The following CIMIP4 variants were observed in gnomAD, a reference collection of about 807,000 sequenced individuals.
CIMIP4 encodes ciliary microtubule inner protein 4.
the CIMIP4 span, among the ~76,000 whole-genome samples, chr22:37,006,887 A>G: frequency 2.6e-5 from 4 of 152,154 alleles, no homozygotes; most frequent in African/African-American, 9.7e-5. Context: ...TCTTTTTCAC[A>G]CACTCTCTGC....
chr22:36,999,190 C>T, the CIMIP4 span, among the ~76,000 whole-genome samples: 1 of 151,162 alleles, frequency 6.6e-6, no homozygotes, highest in Non-Finnish European at 1.5e-5. Context: ...GGCGCAGTGA[C>T]TCATGCCTGT....
the CIMIP4 span, among the ~76,000 whole-genome samples, chr22:37,000,475 A>G: frequency 6.6e-6 from 1 of 152,140 alleles, no homozygotes; most frequent in African/African-American, 2.4e-5. Flanking sequence ...GGAAACTGAC[A>G]CACAGAGAAG....
the CIMIP4 span, among the ~76,000 whole-genome samples, chr22:37,000,548 G>A: frequency 6.6e-6 from 1 of 152,180 alleles, no homozygotes; most frequent in African/African-American, 2.4e-5. Context: ...TATATCAGCT[G>A]TTGACTTCAG....
At chr22:37,001,935 TCTGGTC>T in the CIMIP4 span, 2 of 1,613,820 alleles carry the variant, frequency 1.2e-6, no homozygotes, top group Non-Finnish European at 1.7e-6. Context: ...GGCGTGCTCC[TCTGGTC>T]CTGAGCCCCC....
At chr22:37,001,691 AG>A in the CIMIP4 span, 1 of 780,320 alleles carries the variant, frequency 1.3e-6, no homozygotes, top group Admixed American at 3.5e-5. Context: ...AAGTTTAAAC[AG>A]TGCACAGTGT....
the CIMIP4 span, chr22:37,001,803 C>G: frequency 6.7e-7 from 1 of 1,495,158 alleles, no homozygotes; most frequent in South Asian, 1.4e-5. Flanking sequence ...CATTATAAGA[C>G]TCTGCATCAC....
At chr22:37,005,723 T>G in the CIMIP4 span, among the ~76,000 whole-genome samples, 1 of 152,178 alleles carries the variant, frequency 6.6e-6, no homozygotes, top group Non-Finnish European at 1.5e-5. Flanking sequence ...AACTGAATGA[T>G]TTAGCTAAAG....
the CIMIP4 span, chr22:36,991,516 A>G: frequency 6.2e-7 from 1 of 1,614,156 alleles, no homozygotes; most frequent in South Asian, 1.1e-5. Context: ...CCAGTGTTCT[A>G]AGTCCCTCAC....
chr22:36,996,443 A>G, the CIMIP4 span, among the ~76,000 whole-genome samples: 2 of 149,716 alleles, frequency 1.3e-5, no homozygotes, highest in Admixed American at 6.7e-5. Flanking sequence ...AGCAGCAAAA[A>G]AAGAGATTCT....
the CIMIP4 span, chr22:36,999,990 C>G: frequency 2.0e-5 from 32 of 1,604,238 alleles, no homozygotes; most frequent in South Asian, 3.1e-4. Context: ...TGAGCCTGAG[C>G]AGGGAGGCAG....
chr22:36,991,266 G>C, the CIMIP4 span: 2 of 1,613,936 alleles, frequency 1.2e-6, no homozygotes, highest in East Asian at 2.2e-5. Context: ...CATTTTTCTG[G>C]TGCCACCGCC....
the CIMIP4 span, chr22:37,000,046 C>T: frequency 3.9e-6 from 6 of 1,552,942 alleles, no homozygotes; most frequent in Admixed American, 3.8e-5. Flanking sequence ...CCCCATATCT[C>T]CCTCCAACTC....
the CIMIP4 span, among the ~76,000 whole-genome samples, chr22:37,000,709 G>A: frequency 6.6e-6 from 1 of 152,162 alleles, no homozygotes; most frequent in African/African-American, 2.4e-5. Flanking sequence ...CAGAAAACAC[G>A]GATTTCTTGA....
At chr22:37,002,300 G>A in the CIMIP4 span, 1 of 1,403,864 alleles carries the variant, frequency 7.1e-7, no homozygotes, top group Non-Finnish European at 9.3e-7. Context: ...GAAAGTGGTT[G>A]TACCTGAGCA....
the CIMIP4 span, among the ~76,000 whole-genome samples, chr22:36,999,589 A>AGGGGGGGGGGGGGGGGGGGG: frequency 4.3e-4 from 1 of 2,324 alleles, no homozygotes. Flanking sequence ...GGAGGGGGGG[A>AGGGGGGGGGGGGGGGGGGGG]TGGGAGGGGA....
At chr22:37,002,098 C>T in the CIMIP4 span, 79 of 1,580,014 alleles carry the variant, frequency 5.0e-5, 1 homozygote, top group South Asian at 6.1e-4. Flanking sequence ...TGGCAGCAGT[C>T]GGGGGTGGAG....
the CIMIP4 span, among the ~76,000 whole-genome samples, chr22:36,992,417 G>A: frequency 1.3e-5 from 2 of 152,248 alleles, no homozygotes; most frequent in East Asian, 3.9e-4. Context: ...AAAAATATAA[G>A]CAAAGAGTAA....
the CIMIP4 span, among the ~76,000 whole-genome samples, chr22:37,004,611 G>A: frequency 6.6e-6 from 1 of 152,300 alleles, no homozygotes; most frequent in South Asian, 2.1e-4. Flanking sequence ...TTCTCTCTAA[G>A]GCCTTGGATT....
At chr22:37,000,067 G>T in the CIMIP4 span, 1 of 1,510,210 alleles carries the variant, frequency 6.6e-7, no homozygotes, top group African/African-American at 1.4e-5. Flanking sequence ...CTCCTCCCTT[G>T]ACCCTGCCCT....
Sources: gnomAD v4.1 joint callset for allele counts (sites outside exome capture counted in the v4.1 genomes callset) on GRCh38, gnomAD v4.1.1 for gene constraint, MANE v1.5 for transcripts, NCBI Gene and HGNC (gene_info 2026-07-23, HGNC 2026-07-21) for gene names.